Variants in DTNA observed in about 807,000 individuals in gnomAD.
The protein encoded by DTNA is dystrobrevin alpha.
DTNA carries 43 observed loss-of-function variants against 100.7 expected under a neutral mutation model. The ratio of observed to expected loss-of-function variants is 0.43; its 90% CI spans 0.33 to 0.55. The LOEUF is 0.55. DTNA is among the 20% of genes least tolerant of loss of function. The pLI is 0.04. For synonymous variants in DTNA, 349 were observed against 347.9 expected, an observed-to-expected ratio of 1.00 and a Z score of -0.04; for missense variants, 798 against 953.9, an observed-to-expected ratio of 0.84 and a Z score of 2.15.
chr18:34,740,562 G>A (rs1235966173), intron 1 of DTNA, among the ~76,000 whole-genome samples: 1 of 152,116 alleles, frequency 6.6e-6, no homozygotes, highest in Admixed American at 6.6e-5. Flanking sequence ...AAAAGTGTGG[G>A]AGGATCTCCC....
chr18:34,824,272 G>A (rs1175441242), intron 9 of DTNA, among the ~76,000 whole-genome samples: 1 of 152,050 alleles, frequency 6.6e-6, no homozygotes, highest in South Asian at 2.1e-4. Context: ...TCAGGAGATC[G>A]AGACCATCCT....
intron 1 of DTNA, among the ~76,000 whole-genome samples, chr18:34,728,402 A>G (rs1904803): frequency 0.12 from 17,755 of 152,080 alleles, 1,523 homozygotes; most frequent in African/African-American, 0.24. Context: ...TAAAAAATTT[A>G]AAAAAATAAA....
chr18:34,676,575 C>G (rs1001682302), intron 1 of DTNA, among the ~76,000 whole-genome samples: 2 of 152,108 alleles, frequency 1.3e-5, no homozygotes, highest in Admixed American at 1.3e-4. Context: ...GGTTCAATGC[C>G]TGTAATCCCA....
At chr18:34,519,984 A>C (rs762184745) in intron 1 of DTNA, among the ~76,000 whole-genome samples, 2 of 152,158 alleles carry the variant, frequency 1.3e-5, no homozygotes, top group South Asian at 4.1e-4. Context: ...GTTTACTTGC[A>C]TAGGTGACTG....
intron 1 of DTNA, among the ~76,000 whole-genome samples, chr18:34,675,287 C>T (rs2077265742): frequency 6.6e-6 from 1 of 152,006 alleles, no homozygotes; most frequent in African/African-American, 2.4e-5. Flanking sequence ...CATATGTCCC[C>T]TGGGGGCAAA....
At chr18:34,521,522 G>GGCCGGGCGCGGTGGCT in intron 1 of DTNA, among the ~76,000 whole-genome samples, 1 of 152,072 alleles carries the variant, frequency 6.6e-6, no homozygotes, top group East Asian at 1.9e-4. Flanking sequence ...CAGTTCCCTT[G>GGCCGGGCGCGGTGGCT]CAAAGCATGA....
intron 9 of DTNA, chr18:34,821,212 A>C: frequency 1.8e-6 from 1 of 540,976 alleles, no homozygotes; most frequent in Non-Finnish European, 3.5e-6. Flanking sequence ...TTGGAAGTTA[A>C]CAATGGGATC....
intron 1 of DTNA, among the ~76,000 whole-genome samples, chr18:34,608,781 T>C (rs1307557801): frequency 1.3e-5 from 2 of 152,172 alleles, no homozygotes; most frequent in Non-Finnish European, 1.5e-5. Context: ...TTTAAACATA[T>C]AGATCTTTCT....
chr18:34,578,282 AT>A (rs1384908802), intron 1 of DTNA, among the ~76,000 whole-genome samples: 1 of 151,892 alleles, frequency 6.6e-6, no homozygotes, highest in Non-Finnish European at 1.5e-5. Context: ...TCTTTTGATA[AT>A]TGTCTATTCA....
intron 1 of DTNA, among the ~76,000 whole-genome samples, chr18:34,589,174 T>C (rs1259136913): frequency 1.3e-5 from 2 of 152,108 alleles, no homozygotes; most frequent in African/African-American, 4.8e-5. Context: ...TGTAGCATGC[T>C]GCTGTGGTTT....
chr18:34,859,403 G>T (rs1205486794), intron 16 of DTNA, among the ~76,000 whole-genome samples: 2 of 152,156 alleles, frequency 1.3e-5, no homozygotes, highest in African/African-American at 4.8e-5. Context: ...GAGTTTTCTG[G>T]GGTTTAAATA....
intron 1 of DTNA, among the ~76,000 whole-genome samples, chr18:34,602,307 T>C (rs1469454632): frequency 2.0e-5 from 3 of 152,192 alleles, no homozygotes; most frequent in African/African-American, 2.4e-5. Context: ...GGAAATATTA[T>C]GTGTGTATTG....
chr18:34,777,176 A>G (rs1301943958), intron 3 of DTNA, among the ~76,000 whole-genome samples: 2 of 152,132 alleles, frequency 1.3e-5, no homozygotes, highest in Non-Finnish European at 2.9e-5. Flanking sequence ...CACCTTCCCA[A>G]CTTGAGTGTA....
At chr18:34,658,340 A>G (rs1411752398) in intron 1 of DTNA, among the ~76,000 whole-genome samples, 4 of 152,106 alleles carry the variant, frequency 2.6e-5, no homozygotes, top group African/African-American at 9.7e-5. Context: ...TTGCTTTTAT[A>G]AAAATTCTTT....
intron 1 of DTNA, among the ~76,000 whole-genome samples, chr18:34,681,883 A>C (rs2078180449): frequency 6.6e-6 from 1 of 152,156 alleles, no homozygotes; most frequent in Admixed American, 6.6e-5. Flanking sequence ...TGACAAATGC[A>C]TAAATGACAT....
At chr18:34,771,040 C>T (rs1239966265) in intron 3 of DTNA, among the ~76,000 whole-genome samples, 1 of 152,130 alleles carries the variant, frequency 6.6e-6, no homozygotes, top group Admixed American at 6.5e-5. Flanking sequence ...ACATTCTTCT[C>T]ATTGGTAGAC....
chr18:34,493,926 C>G (rs2038853501), intron 1 of DTNA: 1 of 147,706 alleles, frequency 6.8e-6, no homozygotes, highest in Non-Finnish European at 1.5e-5. Flanking sequence ...GACTGCGGCG[C>G]GGCGCCTCCC....
At chr18:34,653,843 CA>C (rs1332503614) in intron 1 of DTNA, among the ~76,000 whole-genome samples, 1 of 151,990 alleles carries the variant, frequency 6.6e-6, no homozygotes, top group Non-Finnish European at 1.5e-5. Flanking sequence ...ACAATAAAAA[CA>C]AAAAATACCA....
chr18:34,881,464 A>ATTTTTT (rs2096872730), intron 20 of DTNA, among the ~76,000 whole-genome samples: 2 of 34,564 alleles, frequency 5.8e-5, no homozygotes, highest in African/African-American at 3.2e-4. Context: ...TTTTTTTTTC[A>ATTTTTT]GATTTAGAGC....
Sources: gnomAD v4.1 joint callset for allele counts (sites outside exome capture counted in the v4.1 genomes callset) on GRCh38, gnomAD v4.1.1 for gene constraint, MANE v1.5 for transcripts, NCBI Gene and HGNC (gene_info 2026-07-23, HGNC 2026-07-21) for gene names.